MGST2: variants seen among roughly 807,000 people sequenced by gnomAD.
MGST2 encodes the protein microsomal glutathione S-transferase 2, also known as glutathione peroxidase MGST2.
Under a neutral mutation model 16.6 loss-of-function variants are expected in MGST2, and 9 were observed. The ratio of observed to expected loss-of-function variants is 0.54; its 90% CI spans 0.33 to 0.95. The LOEUF (loss-of-function observed/expected upper bound fraction) is 0.95. Among genes scored for constraint, MGST2 ranks in the 40% least tolerant of loss-of-function variants. MGST2 has a pLI of 0.03. For synonymous variants in MGST2, 79 were observed against 68.0 expected (o/e 1.16, Z -0.79); for missense variants, 159 against 175.1 (o/e 0.91, Z 0.52).
chr4:139,726,089 C>T (rs966004998), intron 5 of MGST2, among the ~76,000 whole-genome samples: 1 of 152,220 alleles, frequency 6.6e-6, no homozygotes, highest in Non-Finnish European at 1.5e-5. Context: ...GTGCCCCTTC[C>T]AGTCATCACT....
At chr4:139,672,353 T>C (rs1367624218) in intron 1 of MGST2, among the ~76,000 whole-genome samples, 1 of 152,066 alleles carries the variant, frequency 6.6e-6, no homozygotes, top group Non-Finnish European at 1.5e-5. Flanking sequence ...TTAGAAGCAA[T>C]GGTAATAGCA....
At chr4:139,708,845 A>G (rs1230572407), downstream of MGST2, among the ~76,000 whole-genome samples, 1 of 151,914 alleles carries the variant, frequency 6.6e-6, no homozygotes, top group Non-Finnish European at 1.5e-5. Context: ...TCTACTAAAA[A>G]TACAAAATTA....
chr4:139,691,678 TGATG>T lies in MGST2; in HGVS notation c.159-3518_159-3515del, dbSNP rs1560747735. Among the ~76,000 whole-genome samples the T allele has an allele frequency of 1.1e-3, 154 of 142,764 alleles. No homozygotes were observed. In the South Asian group the frequency reaches 0.022, roughly 20 times the overall value. 93.7% of individuals were successfully genotyped at this position (142,764 alleles called of 152,430 possible). A position where few individuals can be genotyped will look rare whatever the true frequency, so the allele number is the denominator to read the frequency against. ...CCCACTGGCAGTCAGATGATGATGA[TGATG>T]ATGATGATGATGATGATTATTATTA... On this transcript the variant is annotated intron_variant, in intron 2 of 4. Coordinates refer to ENST00000265498, the MANE Select transcript of MGST2 (RefSeq NM_002413.5).
At chr4:139,708,000 G>T (rs1441473707), downstream of MGST2, among the ~76,000 whole-genome samples, 169 of 152,048 alleles carry the variant, frequency 1.1e-3, no homozygotes, top group Middle Eastern at 3.4e-3. Flanking sequence ...CTCCCATTCT[G>T]TAGGTTGCCT....
chr4:139,688,703 G>A (rs1726390848), intron 2 of MGST2, among the ~76,000 whole-genome samples: 1 of 152,098 alleles, frequency 6.6e-6, no homozygotes, highest in South Asian at 2.1e-4. Flanking sequence ...ACTGGCTTTT[G>A]TAATAAGTGG....
At chr4:139,733,394 C>T (rs1168412904) in intron 5 of MGST2, among the ~76,000 whole-genome samples, 1 of 151,948 alleles carries the variant, frequency 6.6e-6, no homozygotes. Flanking sequence ...GTGACCAGCC[C>T]GCACAGCTGG....
chr4:139,729,442 C>T (rs1728613519), intron 5 of MGST2, among the ~76,000 whole-genome samples: 2 of 152,062 alleles, frequency 1.3e-5, no homozygotes, highest in Non-Finnish European at 2.9e-5. Context: ...CAACATAGTG[C>T]GACCCCGTCT....
chr4:139,753,386 A>ATCTATCTAT, the MGST2 span, among the ~76,000 whole-genome samples: 4 of 148,650 alleles, frequency 2.7e-5, no homozygotes, highest in South Asian at 2.1e-4. Context: ...CTATCTATCT[A>ATCTATCTAT]TTTTTTGTTA....
chr4:139,706,454 T>A (rs1185167368), downstream of MGST2, among the ~76,000 whole-genome samples: 1 of 152,240 alleles, frequency 6.6e-6, no homozygotes, highest in Non-Finnish European at 1.5e-5. Context: ...TCTTTTTACT[T>A]AATATTCTTT....
chr4:139,698,507 T>C (rs1438976462), intron 3 of MGST2: 1 of 1,164,634 alleles, frequency 8.6e-7, no homozygotes, highest in Non-Finnish European at 1.3e-6. Context: ...GCTTCCTGGG[T>C]GCTTTACCAC....
intron 5 of MGST2, chr4:139,730,292 G>C: frequency 1.2e-6 from 1 of 838,036 alleles, no homozygotes. Flanking sequence ...TGTGATCCTG[G>C]GAAATGCTAG....
intron 5 of MGST2, among the ~76,000 whole-genome samples, chr4:139,732,553 A>G (rs1275211669): frequency 6.7e-6 from 1 of 148,878 alleles, no homozygotes; most frequent in Admixed American, 6.8e-5. Flanking sequence ...TGGAAGACAC[A>G]GAACTAGCAG....
chr4:139,725,897 T>C lies in MGST2; in HGVS notation c.*49-14315T>C, dbSNP rs1046276998. On this transcript the variant is annotated intron_variant, in intron 5 of 5. Coordinates refer to the MGST2 transcript ENST00000616265. Reference sequence around the variant, plus strand: ...GATAGGGAGCAAGCACACAATTCAATATCCCAGCAGTTCCGAGGAAGGTAG... The same window carrying C: ...GATAGGGAGCAAGCACACAATTCAACATCCCAGCAGTTCCGAGGAAGGTAG... 1.1e-5 allele frequency: 15 copies of C among 1,368,540 alleles called. No homozygotes were observed. The Middle Eastern group carries it at 5.8e-4, about 52-fold the overall frequency. 84.8% of individuals were successfully genotyped at this position (1,368,540 alleles called of 1,614,324 possible).
intron 5 of MGST2, among the ~76,000 whole-genome samples, chr4:139,724,527 A>C (rs1363871544): frequency 1.3e-5 from 2 of 152,292 alleles, no homozygotes; most frequent in South Asian, 4.1e-4. Flanking sequence ...ATTATATAAA[A>C]GTTTGTATAT....
the MGST2 span, among the ~76,000 whole-genome samples, chr4:139,747,557 G>A: frequency 6.6e-6 from 1 of 152,160 alleles, no homozygotes; most frequent in Admixed American, 6.5e-5. Context: ...AGCCGGCTGT[G>A]GTGGTGTGTG....
At chr4:139,689,814 G>A (rs1726466136) in intron 2 of MGST2, among the ~76,000 whole-genome samples, 1 of 152,182 alleles carries the variant, frequency 6.6e-6, no homozygotes, top group African/African-American at 2.4e-5. Flanking sequence ...TGCAAGCAAA[G>A]TTGCATATTG....
chr4:139,719,168 G>C (rs1465989346), intron 5 of MGST2: 19 of 798,146 alleles, frequency 2.4e-5, no homozygotes, highest in Non-Finnish European at 3.6e-5. Context: ...TGGGGCTGTG[G>C]ATTGGCACCT....
chr4:139,684,251 T>G (rs1731428354), intron 2 of MGST2, among the ~76,000 whole-genome samples: 1 of 152,132 alleles, frequency 6.6e-6, no homozygotes, highest in Non-Finnish European at 1.5e-5. Flanking sequence ...TTGTGAGACA[T>G]ATTCACTGTC....
intron 1 of MGST2, among the ~76,000 whole-genome samples, chr4:139,674,116 G>T (rs1730842097): frequency 6.6e-6 from 1 of 152,156 alleles, no homozygotes; most frequent in African/African-American, 2.4e-5. Context: ...AATTTATTTT[G>T]CCAGGGTTAA....
Sources: gnomAD v4.1 joint callset for allele counts (sites outside exome capture counted in the v4.1 genomes callset) on GRCh38, gnomAD v4.1.1 for gene constraint, MANE v1.5 for transcripts, NCBI Gene and HGNC (gene_info 2026-07-23, HGNC 2026-07-21) for gene names.